Variants in PSD3 observed in about 807,000 individuals in gnomAD.
PSD3 encodes the protein pleckstrin and Sec7 domain containing 3.
In PSD3, 49 loss-of-function variants were observed where a neutral mutation model predicts 105.5. The observed-to-expected ratio is 0.46, with a 90% CI of 0.37 to 0.59. The LOEUF is 0.59. PSD3 is among the 20% of genes least tolerant of loss of function. The probability of loss-of-function intolerance (pLI) is 0.00; values close to 1 mark genes in which losing one functional copy is unlikely to be tolerated. For missense variants in PSD3, 1,561 were observed against 1,263.8 expected, an observed-to-expected ratio of 1.24 and a Z score of -3.57; for synonymous variants, 557 against 457.8, an observed-to-expected ratio of 1.22 and a Z score of -2.77.
intron 1 of PSD3, among the ~76,000 whole-genome samples, chr8:19,029,570 C>T (rs1827684605): frequency 6.6e-6 from 1 of 151,978 alleles, no homozygotes; most frequent in Non-Finnish European, 1.5e-5. Flanking sequence ...GTGGGAAAAG[C>T]CCCTTATAAA....
At chr8:18,583,599 T>C (rs145904530) in intron 12 of PSD3, among the ~76,000 whole-genome samples, 1 of 152,298 alleles carries the variant, frequency 6.6e-6, no homozygotes, top group East Asian at 1.9e-4. Flanking sequence ...TAAGTATCCA[T>C]ACACGTTTGT....
chr8:18,801,452 G>A, intron 6 of PSD3, 70 bp from the exon 7 acceptor site: 2 of 827,770 alleles, frequency 2.4e-6, no homozygotes, highest in Admixed American at 2.4e-5. Flanking sequence ...ATAGTTAAAA[G>A]TCAATTTATA....
chr8:19,065,691 A>T (rs1462505800), intron 1 of PSD3, among the ~76,000 whole-genome samples: 5 of 152,228 alleles, frequency 3.3e-5, no homozygotes. Flanking sequence ...TTACACAGGC[A>T]TGCCACTCTT....
In PSD3 at chr8:19,013,230, G is replaced by A. The variant is rs542506743; in HGVS notation, c.21+333C>T. Among the ~76,000 whole-genome samples, 6 of 151,672 alleles carry A rather than the reference G, an allele frequency of 4.0e-5. No individual in the cohort carries two copies. The South Asian group carries it at 1.3e-3, about 32-fold the overall frequency. ...GAAACGTGATAGTCCCTAAATACAA[G>A]CTGACCGGGCAAAGAAAGATCGGCA... is the stretch of plus-strand genomic sequence containing the variant. On this transcript the variant is annotated intron_variant, in intron 1 of 15. Transcript: ENST00000327040.
chr8:18,787,143 G>A (rs1229073835), intron 8 of PSD3, among the ~76,000 whole-genome samples: 1 of 152,112 alleles, frequency 6.6e-6, no homozygotes, highest in Non-Finnish European at 1.5e-5. Context: ...GTATCCAAGA[G>A]AAGCTCATAC....
In PSD3 at chr8:18,835,465, A is replaced by G. The variant is rs761815436; in HGVS notation, c.1635-30567T>C. On this transcript the variant is annotated intron_variant, in intron 4 of 15. Coordinates refer to ENST00000327040, the MANE Select transcript of PSD3 (RefSeq NM_015310.4). ...GCCTACTACATACTACATTCCAGGAACTTTTCTAGATTCAGGAGTGACCAA... is the reference window on the plus strand; with the variant it reads ...GCCTACTACATACTACATTCCAGGAGCTTTTCTAGATTCAGGAGTGACCAA... 5.4e-4 allele frequency among the ~76,000 whole-genome samples: 82 copies of G among 152,286 alleles called. 1 individual carries two copies. The highest frequency in any genetic ancestry group is 9.1e-4 in the Non-Finnish European group (62 of 68,020).
intron 14 of PSD3, among the ~76,000 whole-genome samples, chr8:18,558,331 A>C (rs1242663062): frequency 6.6e-6 from 1 of 152,234 alleles, no homozygotes; most frequent in Non-Finnish European, 1.5e-5. Context: ...TAAAAGCATG[A>C]TGTATTTTCC....
chr8:18,667,103 TGGAAGGG>T (rs1799515535), intron 9 of PSD3, among the ~76,000 whole-genome samples: 1 of 152,112 alleles, frequency 6.6e-6, no homozygotes, highest in Non-Finnish European at 1.5e-5. Context: ...AAAGGCAGTG[TGGAAGGG>T]GACCCCAGCG....
intron 1 of PSD3, among the ~76,000 whole-genome samples, chr8:18,957,492 C>A (rs1335814831): frequency 6.6e-6 from 1 of 151,602 alleles, no homozygotes; most frequent in Non-Finnish European, 1.5e-5. Context: ...TCCACGGGCC[C>A]AACAGCTAAT....
At chr8:18,751,060 G>A (rs950420504) in intron 9 of PSD3, among the ~76,000 whole-genome samples, 1 of 152,140 alleles carries the variant, frequency 6.6e-6, no homozygotes, top group Admixed American at 6.5e-5. Flanking sequence ...CAGCCCTTGG[G>A]CAGTTGATGG....
chr8:18,743,339 G>C (rs1804729061), intron 9 of PSD3, among the ~76,000 whole-genome samples: 1 of 152,094 alleles, frequency 6.6e-6, no homozygotes, highest in African/African-American at 2.4e-5. Context: ...TCTGTCAAAG[G>C]GCAATAAATG....
chr8:18,550,481 T>G (rs888197542), intron 15 of PSD3, among the ~76,000 whole-genome samples: 1 of 152,210 alleles, frequency 6.6e-6, no homozygotes, highest in Non-Finnish European at 1.5e-5. Context: ...TGACTTGCAA[T>G]AGGGTTATAT....
At chr8:18,655,576 G>C in intron 10 of PSD3, 66 bp downstream of exon 10, 1 of 1,406,144 alleles carries the variant, frequency 7.1e-7, no homozygotes, top group Non-Finnish European at 1.0e-6. Context: ...TCACTTCCAA[G>C]GCATAAAGAC....
chr8:18,918,246 G>C (rs1820753123), intron 2 of PSD3, among the ~76,000 whole-genome samples: 2 of 152,140 alleles, frequency 1.3e-5, no homozygotes. Flanking sequence ...CTTTATATGT[G>C]CTTCTGCCAC....
chr8:18,646,402 A>C (rs938385889), intron 10 of PSD3, among the ~76,000 whole-genome samples: 17 of 152,252 alleles, frequency 1.1e-4, no homozygotes, highest in African/African-American at 4.1e-4. Flanking sequence ...AAAAAAAGGA[A>C]ATTACCATGA....
chr8:18,778,440 C>T (rs916005982), intron 8 of PSD3, among the ~76,000 whole-genome samples: 4 of 152,048 alleles, frequency 2.6e-5, no homozygotes, highest in East Asian at 1.9e-4. Context: ...CCTTTTCAAA[C>T]GTGGATGCAT....
chr8:19,047,878 C>T (rs1475686300), intron 1 of PSD3, among the ~76,000 whole-genome samples: 1 of 152,070 alleles, frequency 6.6e-6, no homozygotes, highest in Non-Finnish European at 1.5e-5. Context: ...GTCGGAAGCC[C>T]CTGCTGTCAG....
chr8:18,577,751 A>C (rs527810080), intron 12 of PSD3, among the ~76,000 whole-genome samples: 1 of 152,166 alleles, frequency 6.6e-6, no homozygotes, highest in South Asian at 2.1e-4. Flanking sequence ...AATCTTACTA[A>C]AATTATCTTG....
chr8:18,623,793 T>C (rs1290758659), intron 11 of PSD3, among the ~76,000 whole-genome samples: 2 of 152,224 alleles, frequency 1.3e-5, no homozygotes, highest in East Asian at 3.8e-4. Context: ...GACTGCCTGT[T>C]ATTCTCCTTT....
Sources: gnomAD v4.1 joint callset for allele counts (sites outside exome capture counted in the v4.1 genomes callset) on GRCh38, gnomAD v4.1.1 for gene constraint, MANE v1.5 for transcripts, NCBI Gene and HGNC (gene_info 2026-07-23, HGNC 2026-07-21) for gene names.